SLC9A9: variants seen among roughly 807,000 people sequenced by gnomAD.
The protein encoded by SLC9A9 is solute carrier family 9 member A9.
SLC9A9 carries 62 observed loss-of-function variants against 77.8 expected under a neutral mutation model. The ratio of observed to expected loss-of-function variants is 0.80; its 90% CI spans 0.65 to 0.98. SLC9A9 has a LOEUF of 0.98. Among genes scored for constraint, SLC9A9 ranks in the 50% least tolerant of loss-of-function variants. The pLI, the probability that SLC9A9 is intolerant of heterozygous loss-of-function variation, is 0.00. For missense variants in SLC9A9, 775 were observed against 774.9 expected, an observed-to-expected ratio of 1.00 and a Z score of 0.00; for synonymous variants, 320 against 283.5, an observed-to-expected ratio of 1.13 and a Z score of -1.29.
chr3:143,339,517 A>G (rs1399847256), intron 14 of SLC9A9, among the ~76,000 whole-genome samples: 6 of 106,788 alleles, frequency 5.6e-5, no homozygotes, highest in Admixed American at 5.0e-4. Flanking sequence ...TATCTTCTTT[A>G]TGTTACATTC....
intron 4 of SLC9A9, among the ~76,000 whole-genome samples, chr3:143,776,676 C>T (rs2007702071): frequency 6.6e-6 from 1 of 152,018 alleles, no homozygotes; most frequent in Non-Finnish European, 1.5e-5. Flanking sequence ...GAAAAAGACT[C>T]AAATATGATT....
chr3:143,369,259 C>G (rs2032987897), intron 13 of SLC9A9, among the ~76,000 whole-genome samples: 1 of 152,082 alleles, frequency 6.6e-6, no homozygotes, highest in African/African-American at 2.4e-5. Flanking sequence ...AAGTGTATAT[C>G]TATGTATTCT....
chr3:143,657,647 T>A (rs1242061), intron 5 of SLC9A9, among the ~76,000 whole-genome samples: 1 of 152,016 alleles, frequency 6.6e-6, no homozygotes, highest in Non-Finnish European at 1.5e-5. Flanking sequence ...AAGCAAGATA[T>A]GAGAATCCAG....
chr3:143,712,803 A>G (rs1203157405), intron 4 of SLC9A9, among the ~76,000 whole-genome samples: 4 of 152,230 alleles, frequency 2.6e-5, no homozygotes, highest in Non-Finnish European at 5.9e-5. Flanking sequence ...AGCTGTTTTC[A>G]ACAAAGAAAC....
intron 14 of SLC9A9, among the ~76,000 whole-genome samples, chr3:143,295,454 C>T (rs972472382): frequency 1.1e-4 from 16 of 152,178 alleles, no homozygotes; most frequent in South Asian, 6.2e-4. Context: ...CTTGGGCTAG[C>T]GCATTAACCA....
intron 5 of SLC9A9, among the ~76,000 whole-genome samples, chr3:143,667,486 C>G (rs138445084): frequency 0.015 from 2,253 of 152,280 alleles, 47 homozygotes; most frequent in African/African-American, 0.051. Flanking sequence ...CAAATGGGAT[C>G]TAATTAAACT....
intron 14 of SLC9A9, among the ~76,000 whole-genome samples, chr3:143,308,683 G>A (rs2030906005): frequency 6.6e-6 from 1 of 152,114 alleles, no homozygotes; most frequent in African/African-American, 2.4e-5. Flanking sequence ...ACTCATGACT[G>A]TGAAGCTCGC....
At chr3:143,666,147 A>G (rs2039063279) in intron 5 of SLC9A9, among the ~76,000 whole-genome samples, 2 of 152,210 alleles carry the variant, frequency 1.3e-5, no homozygotes, top group African/African-American at 4.8e-5. Context: ...CGATCAAGTC[A>G]GCTTCATCCC....
chr3:143,280,463 T>A (rs1412033181), intron 14 of SLC9A9, among the ~76,000 whole-genome samples: 1 of 151,954 alleles, frequency 6.6e-6, no homozygotes, highest in Non-Finnish European at 1.5e-5. Context: ...AAATCTCTTC[T>A]CCTCCTAGAC....
chr3:143,313,785 C>T (rs917952040), intron 14 of SLC9A9, among the ~76,000 whole-genome samples: 10 of 152,208 alleles, frequency 6.6e-5, no homozygotes, highest in African/African-American at 2.4e-4. Flanking sequence ...CTAGATGCTG[C>T]TGGGGAATGG....
chr3:143,841,024 T>TAA (rs201322184), intron 1 of SLC9A9, among the ~76,000 whole-genome samples: 4,267 of 152,212 alleles, frequency 0.028, 77 homozygotes, highest in Middle Eastern at 0.068. Context: ...GAGCGAACAG[T>TAA]TAATTAAAAA....
intron 14 of SLC9A9, among the ~76,000 whole-genome samples, chr3:143,301,144 G>T (rs2030498807): frequency 6.6e-6 from 1 of 152,154 alleles, no homozygotes; most frequent in Admixed American, 6.5e-5. Context: ...CTGCAGAACG[G>T]CCACAGGATG....
At chr3:143,843,394 T>A (rs978940932) in intron 1 of SLC9A9, among the ~76,000 whole-genome samples, 4 of 152,224 alleles carry the variant, frequency 2.6e-5, no homozygotes, top group African/African-American at 4.8e-5. Context: ...TGTAACTGTA[T>A]TTTCTTTAAA....
chr3:143,802,387 C>G (rs1257748344), intron 2 of SLC9A9, among the ~76,000 whole-genome samples: 1 of 152,062 alleles, frequency 6.6e-6, no homozygotes, highest in African/African-American at 2.4e-5. Flanking sequence ...TTGTTCAGGC[C>G]CCCTCCCTTC....
chr3:143,324,123 T>G (rs1198855821), intron 14 of SLC9A9, among the ~76,000 whole-genome samples: 1 of 152,140 alleles, frequency 6.6e-6, no homozygotes, highest in Non-Finnish European at 1.5e-5. Context: ...CCACTCTCCT[T>G]TACTTGACCT....
intron 14 of SLC9A9, among the ~76,000 whole-genome samples, chr3:143,283,689 CTTCACTGGCTGAGGTCTAGACCCCT>C (rs1238838672): frequency 6.6e-6 from 1 of 152,176 alleles, no homozygotes; most frequent in Non-Finnish European, 1.5e-5. Flanking sequence ...AGATCAAAGC[CTTCACTGGCTGAGGTCTAGACCCCT>C]TTCAGAGTGA....
intron 12 of SLC9A9, among the ~76,000 whole-genome samples, chr3:143,443,777 T>C (rs182432294): frequency 1.1e-3 from 166 of 152,318 alleles, no homozygotes; most frequent in Non-Finnish European, 1.6e-3. Flanking sequence ...TCTTTAGAAG[T>C]AGCAATAGCT....
chr3:143,809,632 G>A (rs2008811768), intron 2 of SLC9A9, among the ~76,000 whole-genome samples: 3 of 152,160 alleles, frequency 2.0e-5, no homozygotes, highest in Non-Finnish European at 2.9e-5. Flanking sequence ...GTAACATGAG[G>A]AGAAAAAATC....
chr3:143,635,595 T>C (rs979703393), intron 6 of SLC9A9, among the ~76,000 whole-genome samples: 11 of 152,368 alleles, frequency 7.2e-5, no homozygotes, highest in African/African-American at 2.6e-4. Context: ...TTTTCTTCCA[T>C]ACAAATAGCC....
Sources: allele counts gnomAD v4.1 joint callset (sites outside exome capture counted in the v4.1 genomes callset), GRCh38; gene constraint gnomAD v4.1.1; transcripts MANE v1.5; gene names NCBI Gene and HGNC (gene_info 2026-07-23, HGNC 2026-07-21).